The following AFF2 variants were observed in gnomAD, a reference collection of about 807,000 sequenced individuals.
The protein encoded by AFF2 is ALF transcription elongation factor 2, also known as AF4/FMR2 family member 2.
In AFF2, 14 loss-of-function variants were observed where a neutral mutation model predicts 76.9. That is an observed-to-expected ratio of 0.18 (90% CI 0.12 to 0.28). AFF2 has a LOEUF of 0.28. Among genes scored for constraint, AFF2 ranks in the 10% least tolerant of loss-of-function variants. The pLI, the probability that AFF2 is intolerant of heterozygous loss-of-function variation, is 1.00. For synonymous variants in AFF2, 398 were observed against 366.7 expected (o/e 1.09, Z -0.98); for missense variants, 868 against 1,001.1 (o/e 0.87, Z 1.79).
chrX:148,573,718 C>A (rs782234236), intron 1 of AFF2, among the ~76,000 whole-genome samples: 8 of 111,198 alleles, frequency 7.2e-5, no homozygotes, highest in Middle Eastern at 4.2e-3. Flanking sequence ...GTGTTTTTTG[C>A]AGTCATGGAA....
intron 3 of AFF2, among the ~76,000 whole-genome samples, chrX:148,753,682 C>T (rs781875647): frequency 4.5e-5 from 5 of 111,581 alleles, no homozygotes; most frequent in South Asian, 7.5e-4. Flanking sequence ...TGCACTTTAC[C>T]GAGTGGCAGA....
intron 8 of AFF2, among the ~76,000 whole-genome samples, chrX:148,899,152 C>T (rs1410944213): frequency 1.8e-5 from 2 of 112,206 alleles, no homozygotes; most frequent in Non-Finnish European, 3.8e-5. Flanking sequence ...TCCTCTTAAT[C>T]TGCCACCCTT....
At chrX:148,781,907 C>T (rs782029144) in intron 3 of AFF2, among the ~76,000 whole-genome samples, 6 of 111,445 alleles carry the variant, frequency 5.4e-5, no homozygotes, top group South Asian at 7.6e-4. Flanking sequence ...TGGATAGCAC[C>T]GCCCCTCACA....
chrX:148,827,603 T>C (rs1347318730), intron 4 of AFF2, among the ~76,000 whole-genome samples: 1 of 111,999 alleles, frequency 8.9e-6, no homozygotes, highest in Admixed American at 9.5e-5. Context: ...ACAAATCCCT[T>C]TGGCAATTTC....
At chrX:148,714,035 A>G (rs1404005517) in intron 3 of AFF2, among the ~76,000 whole-genome samples, 1 of 112,004 alleles carries the variant, frequency 8.9e-6, no homozygotes, top group Non-Finnish European at 1.9e-5. Flanking sequence ...GACCCAGGTA[A>G]TAGTGCAGCT....
intron 3 of AFF2, among the ~76,000 whole-genome samples, chrX:148,756,290 C>T (rs1262877613): frequency 1.8e-5 from 2 of 112,455 alleles, no homozygotes; most frequent in East Asian, 2.8e-4. Context: ...GTAAGAATGG[C>T]ACTGGCTAAG....
At chrX:148,812,433 C>T (rs180720346) in intron 4 of AFF2, among the ~76,000 whole-genome samples, 260 of 111,695 alleles carry the variant, frequency 2.3e-3, no homozygotes, top group Non-Finnish European at 2.5e-3. Context: ...CTTCCAGTTG[C>T]TCATGAGATT....
At chrX:148,858,612 C>T (rs1335509051) in intron 7 of AFF2, among the ~76,000 whole-genome samples, 1 of 111,189 alleles carries the variant, frequency 9.0e-6, no homozygotes, top group Non-Finnish European at 1.9e-5. Flanking sequence ...CTAATTAATA[C>T]ACAATATTAT....
intron 7 of AFF2, among the ~76,000 whole-genome samples, chrX:148,846,089 T>A (rs782193667): frequency 8.9e-6 from 1 of 112,146 alleles, no homozygotes; most frequent in Non-Finnish European, 1.9e-5. Flanking sequence ...TCTTTCTTTT[T>A]GACAATTACT....
At chrX:148,980,455 ACTT>A (rs2072377664) in intron 18 of AFF2, among the ~76,000 whole-genome samples, 1 of 111,818 alleles carries the variant, frequency 8.9e-6, no homozygotes, top group Admixed American at 9.5e-5. Flanking sequence ...TAATTAAACC[ACTT>A]CTTGGAGAAC....
intron 8 of AFF2, among the ~76,000 whole-genome samples, chrX:148,895,264 C>T (rs992048494): frequency 2.7e-5 from 3 of 111,185 alleles, no homozygotes; most frequent in South Asian, 3.8e-4. Flanking sequence ...GGGTATTGTG[C>T]TTACAATAAA....
chrX:148,713,021 A>G (rs1277764377), intron 3 of AFF2, among the ~76,000 whole-genome samples: 2 of 111,677 alleles, frequency 1.8e-5, no homozygotes, highest in Non-Finnish European at 3.8e-5. Flanking sequence ...AACGGATGTG[A>G]CATTTGAACA....
chrX:148,697,591 G>A (rs375529241), intron 3 of AFF2, among the ~76,000 whole-genome samples: 2 of 109,875 alleles, frequency 1.8e-5, no homozygotes, highest in Non-Finnish European at 3.8e-5. Context: ...TCCTTCTGTC[G>A]CCACTTTTTT....
At chrX:148,767,506 C>A (rs937653848) in intron 3 of AFF2, among the ~76,000 whole-genome samples, 14 of 111,900 alleles carry the variant, frequency 1.3e-4, no homozygotes, top group African/African-American at 4.5e-4. Context: ...TTTGCTTCAA[C>A]CTGAATGCAA....
chrX:148,582,758 C>T lies in AFF2; in HGVS notation c.48-69241C>T, dbSNP rs782192095. Among the ~76,000 whole-genome samples the T allele has an allele frequency of 9.6e-4, 108 of 111,921 alleles. 1 individual carries two copies. Among genetic ancestry groups the T allele is most frequent in the Admixed American group, 1.3e-3 (14 of 10,521 alleles). ...CTCCTAAGTATATACCCAAGAGAATCGAAAACATTTGCTCACACCAGAACT... is the reference window on the plus strand; with the variant it reads ...CTCCTAAGTATATACCCAAGAGAATTGAAAACATTTGCTCACACCAGAACT... On this transcript the variant is annotated intron_variant, in intron 1 of 20. Transcript: ENST00000370460.
intron 3 of AFF2, among the ~76,000 whole-genome samples, chrX:148,679,771 T>C (rs2054527736): frequency 9.0e-6 from 1 of 111,537 alleles, no homozygotes; most frequent in Non-Finnish European, 1.9e-5. Context: ...CCATTCAACA[T>C]TGCCAATCTA....
At chrX:148,892,806 C>T (rs1217231402) in intron 8 of AFF2, among the ~76,000 whole-genome samples, 3 of 111,707 alleles carry the variant, frequency 2.7e-5, no homozygotes, top group Non-Finnish European at 3.8e-5. Flanking sequence ...AGTTCTCCCT[C>T]GTCATACTGA....
intron 7 of AFF2, among the ~76,000 whole-genome samples, chrX:148,870,370 T>A (rs2070958947): frequency 8.9e-6 from 1 of 112,659 alleles, no homozygotes. Context: ...TTTACTTTTT[T>A]ATGTGAAGAC....
chrX:148,707,347 T>C (rs1261285472), intron 3 of AFF2, among the ~76,000 whole-genome samples: 5 of 111,322 alleles, frequency 4.5e-5, no homozygotes, highest in Non-Finnish European at 9.4e-5. Flanking sequence ...ATCTGTGTAT[T>C]GTAGGCATTA....
Sources: allele counts gnomAD v4.1 joint callset (sites outside exome capture counted in the v4.1 genomes callset), GRCh38; gene constraint gnomAD v4.1.1; transcripts MANE v1.5; gene names NCBI Gene and HGNC (gene_info 2026-07-23, HGNC 2026-07-21).